The following MCPH1 variants were observed in gnomAD, a reference collection of about 807,000 sequenced individuals.
The protein encoded by MCPH1 is microcephalin 1.
MCPH1 carries 104 observed loss-of-function variants against 84.5 expected under a neutral mutation model. That is an observed-to-expected ratio of 1.23 (90% CI 1.05 to 1.45). The LOEUF (loss-of-function observed/expected upper bound fraction) is 1.45, where lower values mean the gene tolerates loss of function less well. Ranked by LOEUF, MCPH1 falls within the 40% of genes most tolerant of loss-of-function variation. The pLI, the probability that MCPH1 is intolerant of heterozygous loss-of-function variation, is 0.00. For synonymous variants in MCPH1, 514 were observed against 366.8 expected (o/e 1.40, Z -4.58); for missense variants, 1,498 against 1,005.7 (o/e 1.49, Z -6.62).
At chr8:6,480,594 C>T in intron 10 of MCPH1, 120 bp from the exon 11 acceptor site, 1 of 1,093,324 alleles carries the variant, frequency 9.1e-7, no homozygotes, top group Non-Finnish European at 1.4e-6. Flanking sequence ...GTACCATAAC[C>T]AAAATCAGTT....
Position 6,643,224 on chromosome 8 carries a change from G to C in MCPH1, c.*175G>C, listed in dbSNP as rs1257159367. 4.4e-6 allele frequency: 3 copies of C among 675,720 alleles called. No individual in the cohort carries two copies. Among genetic ancestry groups the C allele is most frequent in the Admixed American group, 2.3e-5 (1 of 44,062 alleles). The allele number at this position is 675,720 out of a possible 1,614,324, so 41.9% of individuals were successfully genotyped here. On this transcript the variant is annotated 3_prime_UTR_variant, in exon 14 of 14. Transcript: ENST00000344683. The stretch of plus-strand genomic sequence containing the variant: ...ACTCATAGGTGACTTTCTGATGACT[G>C]AATGTCTGTTTCAGAGACGCTTCGG...
rs757247746 is a variant in MCPH1, at chr8:6,406,682, C to G, written c.15C>G (p.Ile5Met). 7.4e-6 allele frequency: 12 copies of G among 1,612,134 alleles called. No homozygotes were observed. The highest frequency in any genetic ancestry group is 1.0e-5 in the Non-Finnish European group (12 of 1,179,528). MAAPILKDVVAYVEV... is the reference protein window; with the variant it reads MAAPMLKDVVAYVEV... ...CGCCGTCTGTCATGGCGGCCCCCAT[C>G]CTGAAAGGTGAGGTACTTCCTGCTG... Residue 5 changes from isoleucine (I) to methionine (M), a missense_variant, in exon 1 of 14, where the codon ATC (isoleucine) becomes ATG (methionine). Transcript: ENST00000344683.
chr8:6,622,024 C>A, intron 13 of MCPH1: 1 of 402,664 alleles, frequency 2.5e-6, no homozygotes, highest in Non-Finnish European at 5.0e-6. Flanking sequence ...CTTAGACCCT[C>A]CCTCCCCAGT....
intron 3 of MCPH1, among the ~76,000 whole-genome samples, chr8:6,420,801 G>C (rs149562565): frequency 4.6e-5 from 7 of 152,006 alleles, no homozygotes; most frequent in Admixed American, 3.9e-4. Flanking sequence ...CCAAGTTACC[G>C]GCAGCAAACA....
At chr8:6,414,534 C>T (rs538453396) in intron 2 of MCPH1, among the ~76,000 whole-genome samples, 24 of 152,280 alleles carry the variant, frequency 1.6e-4, no homozygotes, top group African/African-American at 5.8e-4. Context: ...CAACTCTATT[C>T]TTTCAGTAAC....
chr8:6,558,321 C>G (rs1353819176), intron 12 of MCPH1, among the ~76,000 whole-genome samples: 1 of 152,154 alleles, frequency 6.6e-6, no homozygotes, highest in Non-Finnish European at 1.5e-5. Flanking sequence ...AATAGCCTGA[C>G]ATATTTTTTT....
chr8:6,574,947 A>G (rs1337540503), intron 12 of MCPH1, among the ~76,000 whole-genome samples: 2 of 152,216 alleles, frequency 1.3e-5, no homozygotes, highest in Admixed American at 6.5e-5. Flanking sequence ...GACAAACAGG[A>G]TAAATAAAAT....
At chr8:6,458,425 T>C (rs1390221586) in intron 9 of MCPH1, among the ~76,000 whole-genome samples, 1 of 147,568 alleles carries the variant, frequency 6.8e-6, no homozygotes, top group African/African-American at 2.5e-5. Context: ...TGAGCTGAGA[T>C]CGTGCCACTG....
At chr8:6,549,241 G>A (rs1823154416) in intron 12 of MCPH1, among the ~76,000 whole-genome samples, 1 of 152,206 alleles carries the variant, frequency 6.6e-6, no homozygotes, top group South Asian at 2.1e-4. Flanking sequence ...CCATGGGTAC[G>A]TAAATTGTGT....
In MCPH1 at chr8:6,420,261, G is replaced by A. The variant is rs897343449; in HGVS notation, c.233+5378G>A. Among the ~76,000 whole-genome samples the A allele has an allele frequency of 3.3e-5, 5 of 152,052 alleles. No individual in the cohort carries two copies. In the East Asian group the frequency reaches 7.7e-4, roughly 23 times the overall value. On this transcript the variant is annotated intron_variant, in intron 3 of 13. Transcript: ENST00000344683. Reference sequence around the variant, plus strand: ...GGAGTGGGTGCTGTGAGCTGTGTGGGTTCTCTGTTGTGGCAGTTGTGCTGG... The same window carrying A: ...GGAGTGGGTGCTGTGAGCTGTGTGGATTCTCTGTTGTGGCAGTTGTGCTGG...
At chr8:6,572,435 C>G (rs1315879333) in intron 12 of MCPH1, among the ~76,000 whole-genome samples, 2 of 152,164 alleles carry the variant, frequency 1.3e-5, no homozygotes, top group African/African-American at 4.8e-5. Context: ...AAGCGACAGG[C>G]AAATCTATCC....
chr8:6,607,663 A>AT (rs1376528218), intron 12 of MCPH1, among the ~76,000 whole-genome samples: 1 of 152,166 alleles, frequency 6.6e-6, no homozygotes, highest in Non-Finnish European at 1.5e-5. Flanking sequence ...GTTTCCCCCC[A>AT]TACAGTTCTC....
intron 12 of MCPH1, chr8:6,502,578 C>T (rs1812406459): frequency 6.6e-6 from 1 of 152,300 alleles, no homozygotes; most frequent in Non-Finnish European, 1.5e-5. Context: ...TATTAAACTT[C>T]TAGTAACCCC....
intron 9 of MCPH1, among the ~76,000 whole-genome samples, chr8:6,470,673 A>G (rs1480638058): frequency 1.3e-5 from 2 of 152,258 alleles, no homozygotes; most frequent in Non-Finnish European, 2.9e-5. Context: ...AAGTAAACCC[A>G]TGAGTAACTC....
At chr8:6,419,318 C>T (rs1265633148) in intron 3 of MCPH1, among the ~76,000 whole-genome samples, 1 of 152,032 alleles carries the variant, frequency 6.6e-6, no homozygotes, top group Non-Finnish European at 1.5e-5. Flanking sequence ...CTCTAAGGCT[C>T]AATCAGTCCT....
chr8:6,549,517 G>A (rs1317569493), intron 12 of MCPH1, among the ~76,000 whole-genome samples: 1 of 152,180 alleles, frequency 6.6e-6, no homozygotes, highest in Non-Finnish European at 1.5e-5. Context: ...CTTGAGCTGG[G>A]CAGTCATTAC....
intron 9 of MCPH1, chr8:6,477,210 G>T (rs182206785): frequency 3.6e-5 from 8 of 220,854 alleles, no homozygotes; most frequent in Admixed American, 2.1e-4. Flanking sequence ...GAATGAGGCT[G>T]CCTAGAAGTC....
chr8:6,452,545 C>G (rs575427536), intron 8 of MCPH1, among the ~76,000 whole-genome samples: 4 of 152,282 alleles, frequency 2.6e-5, no homozygotes, highest in African/African-American at 9.6e-5. Context: ...GTCCTTTGAC[C>G]CCCACATTTA....
intron 12 of MCPH1, among the ~76,000 whole-genome samples, chr8:6,583,291 G>A (rs975529641): frequency 3.3e-5 from 5 of 151,766 alleles, no homozygotes; most frequent in Non-Finnish European, 2.9e-5. Flanking sequence ...TGTGCAGAAC[G>A]TGCAGGATTG....
Sources: gnomAD v4.1 joint callset for allele counts (sites outside exome capture counted in the v4.1 genomes callset) on GRCh38, gnomAD v4.1.1 for gene constraint, MANE v1.5 for transcripts, NCBI Gene and HGNC (gene_info 2026-07-23, HGNC 2026-07-21) for gene names.